The following ANKRD55 variants were observed in gnomAD, a reference collection of about 807,000 sequenced individuals.
ANKRD55 encodes the protein ankyrin repeat domain 55, also known as ankyrin repeat domain-containing protein 55.
A neutral mutation model predicts 60.6 loss-of-function variants in ANKRD55; 41 were observed. That is an observed-to-expected ratio of 0.68 (90% confidence interval 0.53 to 0.88). The LOEUF is 0.88. Among genes scored for constraint, ANKRD55 ranks in the 40% least tolerant of loss-of-function variants. The pLI is 0.00. For synonymous variants in ANKRD55, 264 were observed against 290.3 expected (o/e 0.91, Z 0.92); for missense variants, 732 against 767.6 (o/e 0.95, Z 0.55).
intron 2 of ANKRD55, among the ~76,000 whole-genome samples, chr5:56,208,679 C>T (rs1759579194): frequency 6.6e-6 from 1 of 152,186 alleles, no homozygotes; most frequent in Non-Finnish European, 1.5e-5. Context: ...TCGCCTTGGC[C>T]TCCCAAAGTG....
intron 1 of ANKRD55, 59 bp downstream of exon 1, chr5:56,233,182 A>C: frequency 4.8e-6 from 2 of 417,286 alleles, no homozygotes; most frequent in Non-Finnish European, 4.3e-6. Flanking sequence ...CCACCCCCAA[A>C]TCAATAAACA....
intron 2 of ANKRD55, among the ~76,000 whole-genome samples, chr5:56,205,720 T>C (rs1759487877): frequency 6.6e-6 from 1 of 152,202 alleles, no homozygotes; most frequent in African/African-American, 2.4e-5. Flanking sequence ...TGTGGCCCTC[T>C]ACTGTGCCCA....
intron 2 of ANKRD55, among the ~76,000 whole-genome samples, chr5:56,206,098 C>T (rs1197738247): frequency 1.3e-5 from 2 of 151,896 alleles, no homozygotes; most frequent in African/African-American, 4.8e-5. Flanking sequence ...ACCTCAGCCT[C>T]CCGAGTAGCT....
chr5:56,142,428 G>A (rs1161276652), intron 7 of ANKRD55, among the ~76,000 whole-genome samples: 1 of 152,150 alleles, frequency 6.6e-6, no homozygotes, highest in Non-Finnish European at 1.5e-5. Flanking sequence ...TGTTTTACAA[G>A]CACTGCTGGT....
chr5:56,150,500 A>C (rs960416479), intron 6 of ANKRD55, among the ~76,000 whole-genome samples: 3 of 151,296 alleles, frequency 2.0e-5, no homozygotes, highest in African/African-American at 7.3e-5. Flanking sequence ...GCTACTTGGG[A>C]GGCTGAGGTG....
chr5:56,190,866 C>G (rs531246130), intron 2 of ANKRD55, among the ~76,000 whole-genome samples: 1 of 152,322 alleles, frequency 6.6e-6, no homozygotes. Flanking sequence ...GCAGAGCCCT[C>G]GTGCTCCAAT....
intron 10 of ANKRD55, among the ~76,000 whole-genome samples, chr5:56,110,063 A>G (rs1756630290): frequency 6.8e-6 from 1 of 146,906 alleles, no homozygotes; most frequent in East Asian, 2.0e-4. Flanking sequence ...AAAAAAAAAA[A>G]TCTTTATCTA....
rs560557658 is a variant in ANKRD55 at position 56,186,646 on chromosome 5, G to C, written c.59-3012C>G. Among the ~76,000 whole-genome samples the C allele has an allele frequency of 5.3e-5, 8 of 152,192 alleles. No homozygotes were observed. The South Asian group carries it at 1.7e-3, about 32-fold the overall frequency. ...TACTTAAAAAATTTTTTTTTGGTGC[G>C]TTTAGAAAGCATTAGAAATCTGGGA... On this transcript the variant is annotated intron_variant, in intron 2 of 11. Transcript: ENST00000341048.
chr5:56,122,391 C>A (rs1757093375), intron 8 of ANKRD55, among the ~76,000 whole-genome samples: 2 of 152,082 alleles, frequency 1.3e-5, no homozygotes, highest in African/African-American at 2.4e-5. Flanking sequence ...TGGCTAACAT[C>A]TAGAATCCCA....
intron 7 of ANKRD55, chr5:56,136,883 T>A: frequency 5.3e-6 from 2 of 378,088 alleles, no homozygotes; most frequent in Non-Finnish European, 1.0e-5. Context: ...ATTATGTCAC[T>A]GCACTCCAGC....
At position 56,173,574 on chromosome 5, in the gene ANKRD55, CTCTCTCTCTA is replaced by C. The variant is rs1312339351; in HGVS notation, c.312+2568_312+2577del. ...TCTCTCTCTCTCTCTCTCTCTCTCT[CTCTCTCTCTA>C]TATATATATATATATATATATATCT... On this transcript the variant is annotated intron_variant, in intron 4 of 11. Transcript: ENST00000341048. Among the ~76,000 whole-genome samples the C allele has an allele frequency of 3.1e-4, 30 of 98,306 alleles. No individual in the cohort carries two copies. The South Asian group carries it at 3.6e-3, about 12-fold the overall frequency. 64.5% of individuals were successfully genotyped at this position (98,306 alleles called of 152,430 possible).
intron 4 of ANKRD55, among the ~76,000 whole-genome samples, chr5:56,172,672 G>C (rs1758637507): frequency 6.6e-6 from 1 of 152,072 alleles, no homozygotes; most frequent in African/African-American, 2.4e-5. Context: ...AAATGAGTTT[G>C]ATACCTACTA....
intron 10 of ANKRD55, among the ~76,000 whole-genome samples, chr5:56,107,465 A>G (rs558556156): frequency 2.5e-4 from 38 of 152,310 alleles, no homozygotes; most frequent in Middle Eastern, 6.8e-3. Flanking sequence ...ATAAGATGGA[A>G]ATTTTTGGGT....
At chr5:56,105,906 A>G (rs1246820161) in intron 10 of ANKRD55, among the ~76,000 whole-genome samples, 1 of 152,252 alleles carries the variant, frequency 6.6e-6, no homozygotes, top group Admixed American at 6.5e-5. Context: ...GTGACGGCTT[A>G]TAAATAACCA....
At chr5:56,144,030 G>A in intron 6 of ANKRD55, 101 bp from the exon 7 acceptor site, 2 of 1,481,914 alleles carry the variant, frequency 1.3e-6, no homozygotes, top group Non-Finnish European at 1.8e-6. Flanking sequence ...ATCACCAGAT[G>A]CGTTGGTTGT....
chr5:56,192,954 C>A, intron 2 of ANKRD55: 1 of 686,410 alleles, frequency 1.5e-6, no homozygotes, highest in Non-Finnish European at 2.4e-6. Flanking sequence ...GGATTGAAAA[C>A]CAAAGCAGGC....
At chr5:56,172,118 C>T (rs978295127) in intron 4 of ANKRD55, among the ~76,000 whole-genome samples, 4 of 97,020 alleles carry the variant, frequency 4.1e-5, no homozygotes, top group Non-Finnish European at 5.8e-5. Context: ...GACTCTGTCT[C>T]AAGAAAAAAA....
intron 2 of ANKRD55, among the ~76,000 whole-genome samples, chr5:56,185,343 T>G (rs368895579): frequency 1.7e-3 from 251 of 151,876 alleles, no homozygotes; most frequent in African/African-American, 5.6e-3. Flanking sequence ...CTCACACCGT[T>G]CCTCCCATGC....
chr5:56,222,956 C>A (rs942908488), intron 2 of ANKRD55, among the ~76,000 whole-genome samples: 1 of 152,168 alleles, frequency 6.6e-6, no homozygotes, highest in African/African-American at 2.4e-5. Context: ...AGAACGTCCC[C>A]AACCTAGGAA....
Sources: gnomAD v4.1 joint callset for allele counts (sites outside exome capture counted in the v4.1 genomes callset) on GRCh38, gnomAD v4.1.1 for gene constraint, MANE v1.5 for transcripts, NCBI Gene and HGNC (gene_info 2026-07-23, HGNC 2026-07-21) for gene names.